The following RASA1 variants were observed in gnomAD, a reference collection of about 807,000 sequenced individuals.
RASA1 encodes the protein RAS p21 protein activator 1.
A neutral mutation model predicts 132.2 loss-of-function variants in RASA1; 25 were observed. That is an observed-to-expected ratio of 0.19 (90% CI 0.14 to 0.26). RASA1 has a LOEUF of 0.26. Among genes scored for constraint, RASA1 ranks in the 10% least tolerant of loss-of-function variants. The pLI is 1.00. For missense variants in RASA1, 964 were observed against 1,299.2 expected (o/e 0.74, Z 3.97); for synonymous variants, 477 against 449.9 (o/e 1.06, Z -0.76).
intron 1 of RASA1, among the ~76,000 whole-genome samples, chr5:87,305,863 G>A (rs1245032723): frequency 6.6e-6 from 1 of 152,200 alleles, no homozygotes; most frequent in Non-Finnish European, 1.5e-5. Flanking sequence ...TTGCGGGCAA[G>A]AATCAGATGA....
intron 11 of RASA1, among the ~76,000 whole-genome samples, chr5:87,363,944 T>A (rs1760311080): frequency 6.6e-6 from 1 of 151,920 alleles, no homozygotes; most frequent in African/African-American, 2.4e-5. Context: ...TATTTGAAAT[T>A]AAAAAAAATT....
At chr5:87,343,395 TC>T (rs1758620375) in intron 6 of RASA1, among the ~76,000 whole-genome samples, 2 of 152,186 alleles carry the variant, frequency 1.3e-5, no homozygotes, top group Non-Finnish European at 2.9e-5. Flanking sequence ...AATCCTTTTT[TC>T]CAGTAGCTGG....
At chr5:87,288,889 A>G (rs180980747) in intron 1 of RASA1, among the ~76,000 whole-genome samples, 2 of 152,328 alleles carry the variant, frequency 1.3e-5, no homozygotes, top group Admixed American at 1.3e-4. Flanking sequence ...AGTAAGTTGC[A>G]GAGATCTTGT....
chr5:87,358,985 C>T (rs554296593), intron 9 of RASA1, among the ~76,000 whole-genome samples: 1 of 152,278 alleles, frequency 6.6e-6, no homozygotes, highest in South Asian at 2.1e-4. Flanking sequence ...AACACTGCAA[C>T]TTGCTCAACC....
rs1484439985 is a variant in RASA1 at position 87,268,400 on chromosome 5, C to A, written c.-52C>A. ...GCTGCTCGGAGCCCGGGCCTGGTGG[C>A]CCCTGGGGCTCCCGGGCGGGCAGGG... is the stretch of plus-strand genomic sequence containing the variant. On this transcript the variant is annotated 5_prime_UTR_variant, in exon 1 of 25. Coordinates refer to ENST00000274376, the MANE Select transcript of RASA1 (RefSeq NM_002890.3). 1.3e-6 allele frequency: 2 copies of A among 1,481,596 alleles called. No homozygotes were observed. The highest frequency in any genetic ancestry group is 1.8e-6 in the Non-Finnish European group (2 of 1,112,978). The allele number at this position is 1,481,596 out of a possible 1,614,324, so 91.8% of individuals were successfully genotyped here.
intron 14 of RASA1, 23 bp from the exon 15 acceptor site, chr5:87,374,817 T>G: frequency 6.2e-7 from 1 of 1,608,392 alleles, no homozygotes; most frequent in Non-Finnish European, 8.5e-7. Flanking sequence ...TTTTGTTAAT[T>G]CTTTTTCTCC....
chr5:87,325,969 A>C (rs2112350828), intron 1 of RASA1, among the ~76,000 whole-genome samples: 1 of 150,072 alleles, frequency 6.7e-6, no homozygotes, highest in Admixed American at 6.6e-5. Context: ...GCAGCCCCCC[A>C]CCCCCTTTTT....
chr5:87,321,676 T>C (rs551929481), intron 1 of RASA1, among the ~76,000 whole-genome samples: 5 of 152,252 alleles, frequency 3.3e-5, no homozygotes, highest in African/African-American at 1.2e-4. Context: ...GGAGCCTCTG[T>C]TTCCGTGGAG....
intron 10 of RASA1, 59 bp from the exon 11 acceptor site, chr5:87,363,289 T>C (rs1055417368): frequency 4.3e-6 from 6 of 1,396,828 alleles, no homozygotes; most frequent in Non-Finnish European, 5.0e-6. Context: ...CTAATTTTAA[T>C]AATATGTAGG....
intron 1 of RASA1, among the ~76,000 whole-genome samples, chr5:87,307,480 C>G (rs201591805): frequency 6.6e-6 from 1 of 151,968 alleles, no homozygotes. Flanking sequence ...ACAACAACAA[C>G]AACAACAACA....
At chr5:87,309,829 G>A (rs922608014) in intron 1 of RASA1, among the ~76,000 whole-genome samples, 1 of 151,952 alleles carries the variant, frequency 6.6e-6, no homozygotes, top group Non-Finnish European at 1.5e-5. Context: ...AATTTGGCAT[G>A]GTTTGGGATT....
At chr5:87,290,312 T>C (rs1754859528) in intron 1 of RASA1, among the ~76,000 whole-genome samples, 1 of 152,190 alleles carries the variant, frequency 6.6e-6, no homozygotes. Context: ...GCACAAAAAT[T>C]TTATTTCCCC....
intron 10 of RASA1, 33 bp from the exon 11 acceptor site, chr5:87,363,315 G>T: frequency 6.5e-7 from 1 of 1,527,710 alleles, no homozygotes; most frequent in Middle Eastern, 1.9e-4. Flanking sequence ...ACAATTGTTT[G>T]GCTAAGAGAA....
chr5:87,353,882 T>C (rs943801255), intron 9 of RASA1, among the ~76,000 whole-genome samples: 2 of 152,122 alleles, frequency 1.3e-5, no homozygotes, highest in Admixed American at 1.3e-4. Context: ...TTCTTCCTCA[T>C]TGCACTTTCT....
intron 1 of RASA1, among the ~76,000 whole-genome samples, chr5:87,310,854 C>A (rs1217658201): frequency 6.6e-6 from 1 of 152,028 alleles, no homozygotes. Context: ...CATTAATGTA[C>A]CAAATGATTC....
rs144524710 is a variant in RASA1, at chr5:87,390,872, G to T, written c.3133G>T (p.Asp1045Tyr). 4.3e-5 allele frequency: 70 copies of T among 1,611,422 alleles called. No homozygotes were observed. The highest frequency in any genetic ancestry group is 5.5e-5 in the Non-Finnish European group (65 of 1,177,682). ...QKQNQYTKTN[D>Y]VR ...ACAAAACCAGTATACAAAAACCAAT[G>T]ATGTCAGGTAGCAGCCTTCGCCCCA... The change falls in exon 25 of 25, where the codon GAT becomes TAT. Residue 1045 changes from aspartate (D) to tyrosine (Y), a missense_variant. By Grantham distance (160) the Asp-to-Tyr change is radical (BLOSUM62 -3). Coordinates refer to ENST00000274376, the MANE Select transcript of RASA1 (RefSeq NM_002890.3).
rs149945919 is a variant in RASA1, at chr5:87,300,368, G to T, written c.540-30980G>T. ...CTCTCACTCGCTTGGATGACCAAGC[G>T]AGATATGTCTCATAAGCTGGGCAGG... On this transcript the variant is annotated intron_variant, in intron 1 of 24. Coordinates refer to ENST00000274376, the MANE Select transcript of RASA1 (RefSeq NM_002890.3). 1.6e-3 allele frequency among the ~76,000 whole-genome samples: 239 copies of T among 152,156 alleles called. 1 individual carries two copies. The highest frequency in any genetic ancestry group is 6.8e-3 in the Middle Eastern group (2 of 294).
At chr5:87,386,741 TAACTGTA>T (rs1453231483) in intron 22 of RASA1, 78 bp from the exon 23 acceptor site, 8 of 1,194,890 alleles carry the variant, frequency 6.7e-6, no homozygotes, top group Non-Finnish European at 1.0e-5. Flanking sequence ...TTTTTGCTGT[TAACTGTA>T]ATTACTTTTG....
In RASA1 at chr5:87,268,336, T is replaced by A; in HGVS notation, c.-116T>A. 1 of 1,323,906 alleles carries A rather than the reference T, an allele frequency of 7.6e-7. No individual in the cohort carries two copies. 82.0% of individuals were successfully genotyped at this position (1,323,906 alleles called of 1,614,324 possible). ...GCTCTCTCCTTTTGTTGTTGTTTCC[T>A]CAGCCTGGGGAGCTGAAGGGGAGAC... On this transcript the variant is annotated 5_prime_UTR_variant, in exon 1 of 25. Transcript: ENST00000274376.
Sources: allele counts gnomAD v4.1 joint callset (sites outside exome capture counted in the v4.1 genomes callset), GRCh38; gene constraint gnomAD v4.1.1; transcripts MANE v1.5; gene names NCBI Gene and HGNC (gene_info 2026-07-23, HGNC 2026-07-21).